The following LRP2BP variants were observed in gnomAD, a reference collection of about 807,000 sequenced individuals.
LRP2BP encodes the protein LRP2 binding protein, also known as LRP2-binding protein.
Under a neutral mutation model 45.2 loss-of-function variants are expected in LRP2BP, and 38 were observed. The ratio of observed to expected loss-of-function variants is 0.84; its 90% CI spans 0.65 to 1.10. The LOEUF (loss-of-function observed/expected upper bound fraction) is 1.10. Ranked by LOEUF, LRP2BP falls within the 50% of genes least tolerant of loss-of-function variation. The probability of loss-of-function intolerance (pLI) is 0.00; values close to 1 mark genes in which losing one functional copy is unlikely to be tolerated. For synonymous variants in LRP2BP, 153 were observed against 153.9 expected (o/e 0.99, Z 0.04); for missense variants, 385 against 418.9 (o/e 0.92, Z 0.71).
chr4:185,385,234 C>G (rs892263888), intron 1 of LRP2BP, among the ~76,000 whole-genome samples: 5 of 152,050 alleles, frequency 3.3e-5, no homozygotes, highest in Admixed American at 3.3e-4. Context: ...AATGGGGAAA[C>G]CTTGTTGGCA....
intron 6 of LRP2BP, among the ~76,000 whole-genome samples, 154 bp from the exon 7 acceptor site, chr4:185,373,233 A>C (rs141092311): frequency 6.6e-6 from 1 of 152,316 alleles, no homozygotes; most frequent in Non-Finnish European, 1.5e-5. Flanking sequence ...TCACACTAGC[A>C]CACATGCCTA....
At chr4:185,369,511 T>A (rs1261357540) in intron 8 of LRP2BP, among the ~76,000 whole-genome samples, 1 of 152,202 alleles carries the variant, frequency 6.6e-6, no homozygotes, top group African/African-American at 2.4e-5. Context: ...CCCGAAGTGC[T>A]GGGATTACAG....
At chr4:185,370,522 G>A (rs1461092768) in intron 8 of LRP2BP, 118 bp downstream of exon 8, 10 of 997,964 alleles carry the variant, frequency 1.0e-5, no homozygotes, top group Non-Finnish European at 7.3e-6. Context: ...TCTGTAGACA[G>A]AGGTTATCTG....
upstream of LRP2BP, chr4:185,396,741 G>T (rs1289324276): frequency 4.6e-6 from 3 of 656,622 alleles, no homozygotes; most frequent in Non-Finnish European, 8.1e-6. Context: ...GGTCGTTGAG[G>T]ATTAGGCTGC....
upstream of LRP2BP, chr4:185,396,024 G>T (rs2095501444): frequency 2.0e-6 from 1 of 499,232 alleles, no homozygotes; most frequent in Non-Finnish European, 2.6e-6. Context: ...GCCGGACAGC[G>T]GCTTCACCAG....
At chr4:185,367,332 T>A in intron 8 of LRP2BP, 87 bp from the exon 9 acceptor site, 3 of 1,219,108 alleles carry the variant, frequency 2.5e-6, no homozygotes, top group Non-Finnish European at 2.3e-6. Flanking sequence ...TTGATTCATT[T>A]TTAAGAATAG....
intron 1 of LRP2BP, chr4:185,379,062 G>T: frequency 1.4e-6 from 1 of 714,348 alleles, no homozygotes; most frequent in Non-Finnish European, 1.7e-6. Context: ...TTTAGTAGGG[G>T]AAAAAAATCA....
intron 3 of LRP2BP, among the ~76,000 whole-genome samples, chr4:185,375,985 G>A (rs776726232): frequency 2.6e-5 from 4 of 152,160 alleles, no homozygotes; most frequent in Non-Finnish European, 4.4e-5. Context: ...AAAAGTGAGA[G>A]AGTAAGTGGG....
At chr4:185,373,903 G>A (rs1425217838) in intron 6 of LRP2BP, among the ~76,000 whole-genome samples, 1 of 152,048 alleles carries the variant, frequency 6.6e-6, no homozygotes. Flanking sequence ...TTTTAGCTTT[G>A]ATACTATAGT....
At chr4:185,373,183 A>T (rs2095421811) in intron 6 of LRP2BP, 104 bp from the exon 7 acceptor site, 2 of 1,049,046 alleles carry the variant, frequency 1.9e-6, no homozygotes, top group Non-Finnish European at 2.8e-6. Context: ...TAGCACTATT[A>T]ATCATCTCTA....
chr4:185,377,372 G>C (rs1166499843), intron 2 of LRP2BP: 1 of 200,452 alleles, frequency 5.0e-6, no homozygotes, highest in Admixed American at 5.3e-5. Flanking sequence ...TGCAAAATTA[G>C]CAGGGCGTGG....
Position 185,374,214 on chromosome 4 carries a change from C to G in LRP2BP, c.500G>C (p.Gly167Ala), listed in dbSNP as rs745886374. The part of the protein sequence containing the change: ...ERLWLIAADN[G>A]NPKASVKAQS... ...AGCCTTCACACTAGCTTTGGGATTT[C>G]CATTGTCTGCTGCGATAAGCCACAG... Residue 167 changes from glycine to alanine, a missense_variant, in exon 6 of 9, where the codon GGA (glycine) becomes GCA (alanine). Gly to Ala is a moderately conservative substitution (Grantham distance 60). Transcript: ENST00000505916. 6.2e-7 allele frequency: 1 copy of G among 1,614,142 alleles called. No individual in the cohort carries two copies. Among genetic ancestry groups the G allele is most frequent in the South Asian group, 1.1e-5 (1 of 91,068 alleles).
rs376253836 is a variant in LRP2BP, at chr4:185,378,072, G to T, written c.106+9C>A. 5.0e-6 allele frequency: 8 copies of T among 1,604,574 alleles called. No homozygotes were observed. Among genetic ancestry groups the T allele is most frequent in the Non-Finnish European group, 6.0e-6 (7 of 1,172,428 alleles). On this transcript the variant is annotated intron_variant, in intron 2 of 8. Transcript: ENST00000505916. The stretch of plus-strand genomic sequence containing the variant: ...TTTCCAAGGGAAGCTTAAATATCAG[G>T]ATTTGTACCAGTCTTTTCCTTTTTC...
At chr4:185,376,797 T>G in intron 3 of LRP2BP, 112 bp downstream of exon 3, 1 of 699,846 alleles carries the variant, frequency 1.4e-6, no homozygotes, top group Non-Finnish European at 2.5e-6. Flanking sequence ...GTCGATGTAA[T>G]TGGACAGAAT....
At chr4:185,367,392 A>C (rs1240151167) in intron 8 of LRP2BP, 147 bp from the exon 9 acceptor site, 2 of 640,348 alleles carry the variant, frequency 3.1e-6, no homozygotes, top group Admixed American at 6.0e-5. Context: ...TTCTATTCTG[A>C]TGTCCTACTT....
Position 185,395,890 on chromosome 4 carries a change from G to A in LRP2BP, c.-1133C>T. The A allele has an allele frequency of 1.0e-6, 1 of 985,484 alleles. No individual in the cohort carries two copies. The highest frequency in any genetic ancestry group is 1.2e-6 in the Non-Finnish European group (1 of 829,942). 61.0% of individuals were successfully genotyped at this position (985,484 alleles called of 1,614,324 possible). The stretch of plus-strand genomic sequence containing the variant: ...ACTCGGCTGGAGCTTTGGTTTCTAA[G>A]CAGATCCTTCTGGAAAGACGCTTAG... On this transcript the variant is annotated 5_prime_UTR_variant, in exon 1 of 9. Coordinates refer to ENST00000505916, the MANE Select transcript of LRP2BP (RefSeq NM_001377440.1).
At chr4:185,380,738 C>A (rs2095453560) in intron 1 of LRP2BP, among the ~76,000 whole-genome samples, 1 of 152,182 alleles carries the variant, frequency 6.6e-6, no homozygotes. Flanking sequence ...ACCCACCATG[C>A]TCTTCAGAGG....
At position 185,378,483 on chromosome 4, in the gene LRP2BP, C is replaced by T; in HGVS notation, c.-21-276G>A. On this transcript the variant is annotated intron_variant, in intron 1 of 8. Transcript: ENST00000505916. ...CGTCCTGTCTGGCTATGGGTTTATA[C>T]ATCAAGATGGGTCAAGTCACCCAGC... 8 of 1,146,494 alleles carry T rather than the reference C, an allele frequency of 7.0e-6. No homozygotes were observed. In the South Asian group the frequency reaches 2.0e-4, roughly 28 times the overall value. The allele number at this position is 1,146,494 out of a possible 1,614,324, so 71.0% of individuals were successfully genotyped here.
chr4:185,371,061 C>G (rs2095413109), intron 7 of LRP2BP: 2 of 389,024 alleles, frequency 5.1e-6, no homozygotes, highest in Admixed American at 3.8e-5. Flanking sequence ...CACTGGAAAA[C>G]AAAGGTATGT....
Sources: gnomAD v4.1 joint callset for allele counts (sites outside exome capture counted in the v4.1 genomes callset) on GRCh38, gnomAD v4.1.1 for gene constraint, MANE v1.5 for transcripts, NCBI Gene and HGNC (gene_info 2026-07-23, HGNC 2026-07-21) for gene names.